CHID1: variants seen among roughly 807,000 people sequenced by gnomAD.
The protein encoded by CHID1 is chitinase domain-containing protein 1.
In CHID1, 44 loss-of-function variants were observed where a neutral mutation model predicts 55.4. The observed-to-expected ratio is 0.79, with a 90% CI of 0.62 to 1.02. The LOEUF (loss-of-function observed/expected upper bound fraction) is 1.02, where lower values mean the gene tolerates loss of function less well. CHID1 is among the 50% of genes least tolerant of loss of function. The probability of loss-of-function intolerance (pLI) is 0.00; values close to 1 mark genes in which losing one functional copy is unlikely to be tolerated. For missense variants in CHID1, 491 were observed against 515.3 expected (o/e 0.95, Z 0.46); for synonymous variants, 216 against 212.9 (o/e 1.01, Z -0.13).
In CHID1 at chr11:874,305, T is replaced by C. The variant is rs7102013; in HGVS notation, c.960-3806A>G. Among the ~76,000 whole-genome samples, 1,365 of 152,044 alleles carry C rather than the reference T, an allele frequency of 9.0e-3. 24 individuals are homozygous for C. Among genetic ancestry groups the C allele is most frequent in the African/African-American group, 0.031 (1,303 of 41,454 alleles). ...GGTGAAACCCCATCTCTACTAAAAA[T>C]ACAAAAAATTAGCCAGGCATGGTGG... On this transcript the variant is annotated intron_variant, in intron 10 of 12. Transcript: ENST00000323578.
chr11:898,717 C>T (rs1405939283), intron 7 of CHID1, among the ~76,000 whole-genome samples: 3 of 152,192 alleles, frequency 2.0e-5, no homozygotes, highest in African/African-American at 7.2e-5. Context: ...CATGGCACTT[C>T]CTATCACTCC....
chr11:907,202 C>T (rs1050482402), intron 1 of CHID1, among the ~76,000 whole-genome samples: 10 of 152,184 alleles, frequency 6.6e-5, no homozygotes, highest in African/African-American at 2.2e-4. Context: ...TACTTTCCGG[C>T]CGGGCGCGGT....
At chr11:902,074 A>C (rs1851858015) in intron 4 of CHID1, 124 bp downstream of exon 4, 3 of 1,072,086 alleles carry the variant, frequency 2.8e-6, no homozygotes, top group Non-Finnish European at 4.1e-6. Flanking sequence ...GCAGAGACAC[A>C]CACACACTCC....
chr11:887,163 C>G (rs886281659), intron 8 of CHID1, among the ~76,000 whole-genome samples: 1 of 152,216 alleles, frequency 6.6e-6, no homozygotes, highest in African/African-American at 2.4e-5. Flanking sequence ...TCCCGAGTAG[C>G]TGGGACCACA....
chr11:897,193 C>T (rs7931892), intron 7 of CHID1, among the ~76,000 whole-genome samples: 16,701 of 69,236 alleles, frequency 0.24, 3,325 homozygotes, highest in Non-Finnish European at 0.35. Context: ...CAGACACGAG[C>T]CTGTCTCAGC....
At chr11:870,305 C>A in intron 11 of CHID1, 114 bp downstream of exon 11, 1 of 1,352,926 alleles carries the variant, frequency 7.4e-7, no homozygotes, top group Admixed American at 1.8e-5. Flanking sequence ...CCGGGAGCAG[C>A]AAGTGAGCTC....
At chr11:882,059 G>A (rs934577875) in intron 10 of CHID1, among the ~76,000 whole-genome samples, 11 of 152,144 alleles carry the variant, frequency 7.2e-5, no homozygotes, top group African/African-American at 2.7e-4. Flanking sequence ...CGGTGTGGTG[G>A]CTCACCCCTG....
upstream of CHID1, chr11:915,029 G>A (rs1213500094): frequency 6.2e-6 from 1 of 160,052 alleles, no homozygotes; most frequent in East Asian, 1.9e-4. Flanking sequence ...TCAGAGGCCG[G>A]AAGCCCAGGA....
intron 8 of CHID1, among the ~76,000 whole-genome samples, chr11:889,135 G>A (rs1438691919): frequency 6.6e-6 from 1 of 152,186 alleles, no homozygotes; most frequent in Non-Finnish European, 1.5e-5. Flanking sequence ...GCTGCCAGAG[G>A]CCGGGGCGGC....
At position 897,038 on chromosome 11, in the gene CHID1, C is replaced by T. The variant is rs180955661; in HGVS notation, c.608+2302G>A. Among the ~76,000 whole-genome samples, 53 of 132,794 alleles carry T rather than the reference C, an allele frequency of 4.0e-4. 1 individual carries two copies. Among genetic ancestry groups the T allele is most frequent in the South Asian group, 1.6e-3 (6 of 3,712 alleles). The allele number at this position is 132,794 out of a possible 152,430, so 87.1% of individuals were successfully genotyped here. A position where few individuals can be genotyped will look rare whatever the true frequency, so the allele number is the denominator to read the frequency against. The stretch of plus-strand genomic sequence containing the variant: ...CACCCCCAGCCTCCACCCGACACAA[C>T]GAGCCTGTCTCAGCACCTGCAGCCT... On this transcript the variant is annotated intron_variant, in intron 7 of 12. Transcript: ENST00000323578.
At chr11:895,914 C>T (rs1176970723) in intron 7 of CHID1, among the ~76,000 whole-genome samples, 1 of 152,022 alleles carries the variant, frequency 6.6e-6, no homozygotes, top group African/African-American at 2.4e-5. Context: ...TCCCGCAGCT[C>T]CCCACCTTCC....
intron 4 of CHID1, 84 bp downstream of exon 4, chr11:902,114 A>G: frequency 9.3e-6 from 14 of 1,513,240 alleles, no homozygotes; most frequent in Non-Finnish European, 1.3e-5. Context: ...AGACATACCT[A>G]CTCACACACA....
upstream of CHID1, among the ~76,000 whole-genome samples, chr11:913,278 A>C (rs1365536361): frequency 6.6e-6 from 1 of 152,090 alleles, no homozygotes; most frequent in East Asian, 1.9e-4. Flanking sequence ...AGCCTCCCCA[A>C]ATGCTGGGAT....
chr11:910,961 C>A (rs888344010), upstream of CHID1: 4 of 394,116 alleles, frequency 1.0e-5, no homozygotes, highest in Non-Finnish European at 1.4e-5. Flanking sequence ...GGGGCCGGGG[C>A]CGGGGCGGGG....
rs530576070 is a variant in CHID1 at position 904,879 on chromosome 11, C to G, written c.-43-20G>C. 2.4e-5 allele frequency: 39 copies of G among 1,610,336 alleles called. No homozygotes were observed. Among genetic ancestry groups the G allele is most frequent in the Non-Finnish European group, 3.3e-5 (39 of 1,179,400 alleles). ...AGAGGGCTGCAGGGAAAGCAGAGCA[C>G]ATTCAAACAACCGGCAGAGAAATGC... On this transcript the variant is annotated intron_variant, in intron 1 of 12. Coordinates refer to ENST00000323578, the MANE Select transcript of CHID1 (RefSeq NM_023947.4).
At chr11:899,005 C>T (rs746513527) in intron 7 of CHID1, among the ~76,000 whole-genome samples, 4 of 152,246 alleles carry the variant, frequency 2.6e-5, no homozygotes, top group Non-Finnish European at 5.9e-5. Context: ...CTGCTGTCAC[C>T]ATCTGGGCCA....
At chr11:908,484 A>T (rs1211197450) in intron 1 of CHID1, 1 of 715,886 alleles carries the variant, frequency 1.4e-6, no homozygotes, top group Non-Finnish European at 1.7e-6. Flanking sequence ...CAACAGCCCC[A>T]GGGAAGGTGG....
At chr11:876,415 C>A (rs1028319960) in intron 10 of CHID1, among the ~76,000 whole-genome samples, 1 of 152,262 alleles carries the variant, frequency 6.6e-6, no homozygotes, top group East Asian at 1.9e-4. Context: ...CTGGGCAGAG[C>A]CAGGGTCAGG....
chr11:881,123 G>A (rs1425473398), intron 10 of CHID1, among the ~76,000 whole-genome samples: 1 of 152,132 alleles, frequency 6.6e-6, no homozygotes. Context: ...AAGACGTAAA[G>A]GGGACCCCAA....
Sources: allele counts gnomAD v4.1 joint callset (sites outside exome capture counted in the v4.1 genomes callset), GRCh38; gene constraint gnomAD v4.1.1; transcripts MANE v1.5; gene names NCBI Gene and HGNC (gene_info 2026-07-23, HGNC 2026-07-21).